The following ROCK1 variants were observed in gnomAD, a reference collection of about 807,000 sequenced individuals.
ROCK1 encodes Rho associated coiled-coil containing protein kinase 1.
In ROCK1, 36 loss-of-function variants were observed where a neutral mutation model predicts 196.8. That is an observed-to-expected ratio of 0.18 (90% CI 0.14 to 0.24). The LOEUF is 0.24. Ranked by LOEUF, ROCK1 falls within the 10% of genes least tolerant of loss-of-function variation. The pLI is 1.00. For missense variants in ROCK1, 920 were observed against 1,562.0 expected, an observed-to-expected ratio of 0.59 and a Z score of 6.93; for synonymous variants, 443 against 515.9, an observed-to-expected ratio of 0.86 and a Z score of 1.91.
intron 22 of ROCK1, among the ~76,000 whole-genome samples, chr18:20,975,441 T>A (rs1386689013): frequency 6.6e-6 from 1 of 152,216 alleles, no homozygotes; most frequent in Non-Finnish European, 1.5e-5. Context: ...TCTCTTGTTT[T>A]ACCCTTTCCA....
At chr18:21,082,430 C>T (rs1159149921) in intron 1 of ROCK1, among the ~76,000 whole-genome samples, 2 of 151,796 alleles carry the variant, frequency 1.3e-5, no homozygotes, top group Non-Finnish European at 2.9e-5. Context: ...ATAAAAATGC[C>T]CAATAAAATA....
At chr18:21,027,478 G>C (rs2035968665) in intron 10 of ROCK1, among the ~76,000 whole-genome samples, 1 of 152,120 alleles carries the variant, frequency 6.6e-6, no homozygotes, top group Non-Finnish European at 1.5e-5. Context: ...TTAGAGTAAA[G>C]CTAACATGAA....
At chr18:20,961,429 A>G (rs1439441159) in intron 27 of ROCK1, among the ~76,000 whole-genome samples, 1 of 152,210 alleles carries the variant, frequency 6.6e-6, no homozygotes, top group Non-Finnish European at 1.5e-5. Flanking sequence ...GTATAAGTCC[A>G]TGAATACAGG....
intron 10 of ROCK1, among the ~76,000 whole-genome samples, chr18:21,024,626 AAAAG>A (rs1439891304): frequency 6.6e-6 from 1 of 152,240 alleles, no homozygotes; most frequent in Non-Finnish European, 1.5e-5. Context: ...ATAATGTTCC[AAAAG>A]AACAGTTTAA....
At chr18:21,030,515 C>A (rs964790701) in intron 9 of ROCK1, among the ~76,000 whole-genome samples, 2 of 152,162 alleles carry the variant, frequency 1.3e-5, no homozygotes, top group Non-Finnish European at 2.9e-5. Context: ...TTTTCTCTTG[C>A]TGTTTCTGAT....
intron 16 of ROCK1, 125 bp from the exon 17 acceptor site, chr18:20,993,062 T>C: frequency 1.7e-6 from 1 of 590,656 alleles, no homozygotes. Context: ...GATAAGATTT[T>C]ATTAAGTGTT....
rs1236097464 is a variant in ROCK1, at chr18:20,950,309, T to C, written c.*1075A>G. The C allele has an allele frequency of 6.6e-6, 1 of 152,498 alleles. No homozygotes were observed. The highest frequency in any genetic ancestry group is 1.9e-4 in the East Asian group (1 of 5,202). 9.4% of individuals were successfully genotyped at this position (152,498 alleles called of 1,614,324 possible). A position where few individuals can be genotyped will look rare whatever the true frequency, so the allele number is the denominator to read the frequency against. ...TGATGCAAAGATTGTACTCAATTTA[T>C]GAAAGTCCAACAAACCTCTAAATAT... is the stretch of plus-strand genomic sequence containing the variant. On this transcript the variant is annotated 3_prime_UTR_variant, in exon 33 of 33. Transcript: ENST00000399799.
rs572668363 is a variant in ROCK1 at position 20,955,122 on chromosome 18, C to T, written c.3591+45G>A. 95 of 1,522,948 alleles carry T rather than the reference C, an allele frequency of 6.2e-5. No homozygotes were observed. In the South Asian group the frequency reaches 7.9e-4, roughly 13 times the overall value. 94.3% of individuals were successfully genotyped at this position (1,522,948 alleles called of 1,614,324 possible). A position where few individuals can be genotyped will look rare whatever the true frequency, so the allele number is the denominator to read the frequency against. On this transcript the variant is annotated intron_variant, in intron 30 of 32. Coordinates refer to ENST00000399799, the MANE Select transcript of ROCK1 (RefSeq NM_005406.3). ...ATATTTTACATTTACTTCACAAAAA[C>T]GCTTAGGACTTAGATTCTTTAAAAT...
At chr18:21,011,106 A>T (rs570473343) in intron 13 of ROCK1, among the ~76,000 whole-genome samples, 24 of 152,290 alleles carry the variant, frequency 1.6e-4, no homozygotes, top group Non-Finnish European at 3.4e-4. Flanking sequence ...TGGGGGATTT[A>T]AAAAAATCTA....
chr18:20,996,836 T>C (rs2035675370), intron 16 of ROCK1, among the ~76,000 whole-genome samples: 1 of 152,216 alleles, frequency 6.6e-6, no homozygotes, highest in Non-Finnish European at 1.5e-5. Context: ...TCTTTGCTTG[T>C]TTGTTAGTTT....
intron 1 of ROCK1, among the ~76,000 whole-genome samples, chr18:21,108,975 T>A (rs1251321003): frequency 6.6e-6 from 1 of 152,214 alleles, no homozygotes; most frequent in Admixed American, 6.5e-5. Flanking sequence ...TCCCCAAACA[T>A]GTCATAGCCA....
chr18:20,961,772 T>C (rs1250142752), intron 27 of ROCK1, among the ~76,000 whole-genome samples: 1 of 152,002 alleles, frequency 6.6e-6, no homozygotes, highest in Non-Finnish European at 1.5e-5. Flanking sequence ...GTGAGGTAAC[T>C]TTAGTTCAAA....
intron 16 of ROCK1, among the ~76,000 whole-genome samples, chr18:21,002,096 A>C (rs2035730156): frequency 6.6e-6 from 1 of 152,218 alleles, no homozygotes; most frequent in Non-Finnish European, 1.5e-5. Context: ...ATTATTAATT[A>C]CAAAAAAAAT....
chr18:20,986,890 ATAACT>A, intron 19 of ROCK1, 55 bp downstream of exon 19: 1 of 1,419,726 alleles, frequency 7.0e-7, no homozygotes, highest in Non-Finnish European at 9.6e-7. Context: ...AACTCCAGTC[ATAACT>A]TATATAACCG....
At chr18:21,104,745 TAAC>T (rs1159586502) in intron 1 of ROCK1, among the ~76,000 whole-genome samples, 3 of 152,172 alleles carry the variant, frequency 2.0e-5, no homozygotes, top group Non-Finnish European at 2.9e-5. Context: ...GAGAACAAGA[TAAC>T]AACTCAATCT....
chr18:21,013,191 A>G (rs936347799), intron 13 of ROCK1, among the ~76,000 whole-genome samples: 1 of 152,232 alleles, frequency 6.6e-6, no homozygotes, highest in Non-Finnish European at 1.5e-5. Flanking sequence ...AAACCTGGAC[A>G]TCATCTTACA....
At chr18:21,045,201 A>G in intron 5 of ROCK1, 91 bp downstream of exon 5, 1 of 1,172,958 alleles carries the variant, frequency 8.5e-7, no homozygotes, top group Admixed American at 2.6e-5. Flanking sequence ...ATACGGAAGA[A>G]GAATGGGTGA....
intron 4 of ROCK1, 134 bp from the exon 5 acceptor site, chr18:21,045,601 T>A: frequency 2.9e-6 from 2 of 686,856 alleles, no homozygotes; most frequent in Non-Finnish European, 4.6e-6. Context: ...AGTCTAGTTT[T>A]AAAAAAAGAC....
chr18:20,970,451 C>G lies in ROCK1; in HGVS notation c.2717G>C (p.Arg906Pro). Reference protein sequence around the residue: ...ETKAESEQLARGLLEEQYFEL... With the variant: ...ETKAESEQLAPGLLEEQYFEL... Reference sequence around the variant, plus strand: ...AAAATACTGTTCTTCCAGAAGGCCTCGCGCCAACTGCTCAGACTCAGCTTT... The same window carrying G: ...AAAATACTGTTCTTCCAGAAGGCCTGGCGCCAACTGCTCAGACTCAGCTTT... Residue 906 changes from arginine to proline, a missense_variant, in exon 23 of 33, where the codon CGA becomes CCA. Arg to Pro is a moderately radical substitution (Grantham distance 103). Coordinates refer to ENST00000399799, the MANE Select transcript of ROCK1 (RefSeq NM_005406.3). 6.2e-7 allele frequency: 1 copy of G among 1,613,866 alleles called. No individual in the cohort carries two copies. Among genetic ancestry groups the G allele is most frequent in the Non-Finnish European group, 8.5e-7 (1 of 1,179,778 alleles).
Sources: allele counts gnomAD v4.1 joint callset (sites outside exome capture counted in the v4.1 genomes callset), GRCh38; gene constraint gnomAD v4.1.1; transcripts MANE v1.5; gene names NCBI Gene and HGNC (gene_info 2026-07-23, HGNC 2026-07-21).